Variants in MRC2 observed in about 807,000 individuals in gnomAD.
MRC2 encodes the protein mannose receptor C-type 2.
Under a neutral mutation model 206.2 loss-of-function variants are expected in MRC2, and 84 were observed. The observed-to-expected ratio is 0.41, with a 90% CI of 0.34 to 0.49. The LOEUF is 0.49. Among genes scored for constraint, MRC2 ranks in the 20% least tolerant of loss-of-function variants. The pLI, the probability that MRC2 is intolerant of heterozygous loss-of-function variation, is 0.31. For synonymous variants in MRC2, 798 were observed against 800.0 expected, an observed-to-expected ratio of 1.00 and a Z score of 0.04; for missense variants, 1,676 against 2,001.5, an observed-to-expected ratio of 0.84 and a Z score of 3.10.
chr17:62,689,019 T>C (rs2089067744), intron 23 of MRC2, 59 bp downstream of exon 23: 2 of 1,358,624 alleles, frequency 1.5e-6, no homozygotes, highest in Admixed American at 1.8e-5. Context: ...GGCTGGATGC[T>C]GGGACCATGC....
Position 62,679,091 on chromosome 17 carries a change from C to T in MRC2, c.2195+445C>T, listed in dbSNP as rs2088929143. On this transcript the variant is annotated intron_variant, in intron 13 of 29. Coordinates refer to ENST00000303375, the MANE Select transcript of MRC2 (RefSeq NM_006039.5). ...AAAGGCCGCAGCTATGAGGATTTGC[C>T]CATGGGCCTCCCTCTGAGACACCAC... 2.0e-5 allele frequency among the ~76,000 whole-genome samples: 3 copies of T among 152,272 alleles called. No individual in the cohort carries two copies. The South Asian group carries it at 6.2e-4, about 32-fold the overall frequency.
intron 1 of MRC2, among the ~76,000 whole-genome samples, chr17:62,630,788 C>T (rs767149258): frequency 3.3e-5 from 5 of 152,144 alleles, no homozygotes; most frequent in South Asian, 2.1e-4. Flanking sequence ...AGGGTGGCAT[C>T]GGGTACTTGG....
In MRC2 at chr17:62,680,035, A is replaced by C. The variant is rs967251508; in HGVS notation, c.2298+133A>C. ...CAGTCGGAGCCGGCTTCAGGAAAGC[A>C]GGTCCGAGAGGGGTCACCCGGCCCC... On this transcript the variant is annotated intron_variant, in intron 14 of 29. Coordinates refer to ENST00000303375, the MANE Select transcript of MRC2 (RefSeq NM_006039.5). The surrounding 1 kb of genome is among the most constrained non-coding windows in gnomAD (Gnocchi z 4.8). 6.9e-5 allele frequency: 103 copies of C among 1,501,230 alleles called. 1 individual carries two copies. The highest frequency in any genetic ancestry group is 8.8e-5 in the Non-Finnish European group (97 of 1,105,572). 93.0% of individuals were successfully genotyped at this position (1,501,230 alleles called of 1,614,324 possible).
At chr17:62,653,032 C>G (rs539706643) in intron 1 of MRC2, among the ~76,000 whole-genome samples, 1 of 152,176 alleles carries the variant, frequency 6.6e-6, no homozygotes, top group Admixed American at 6.5e-5. Flanking sequence ...TGTGCCCGCC[C>G]CCGGGATGCT....
intron 6 of MRC2, among the ~76,000 whole-genome samples, chr17:62,668,637 G>A (rs2088788005): frequency 6.6e-6 from 1 of 152,214 alleles, no homozygotes; most frequent in African/African-American, 2.4e-5. Flanking sequence ...AAAGGGCATG[G>A]TGAAGAAGAG....
chr17:62,633,678 A>G (rs972684199), intron 1 of MRC2, among the ~76,000 whole-genome samples: 10 of 139,864 alleles, frequency 7.1e-5, no homozygotes, highest in South Asian at 2.3e-4. Flanking sequence ...GTCACTACAG[A>G]AAAAAAAAAA....
rs776907085 is a variant in MRC2 at position 62,671,851 on chromosome 17, C to T, written c.1306+14C>T. On this transcript the variant is annotated intron_variant, in intron 7 of 29. Transcript: ENST00000303375. The surrounding 1 kb of genome is among the most constrained non-coding windows in gnomAD (Gnocchi z 4.5). Reference sequence around the variant, plus strand: ...AGATCAAGCAAGGTGAGGAGCTGCCCGCCCACGTGTCTGGGTGGAGGGCAG... The same window carrying T: ...AGATCAAGCAAGGTGAGGAGCTGCCTGCCCACGTGTCTGGGTGGAGGGCAG... 97 of 1,587,076 alleles carry T rather than the reference C, an allele frequency of 6.1e-5. No homozygotes were observed. Among genetic ancestry groups the T allele is most frequent in the Admixed American group, 1.5e-4 (9 of 58,834 alleles).
intron 8 of MRC2, among the ~76,000 whole-genome samples, chr17:62,673,300 G>T (rs1009357865): frequency 6.6e-6 from 1 of 152,128 alleles, no homozygotes; most frequent in Non-Finnish European, 1.5e-5. Context: ...AGAAGCAGGG[G>T]CCGAGGACTA....
intron 6 of MRC2, among the ~76,000 whole-genome samples, chr17:62,669,847 C>T (rs2088806128): frequency 6.6e-6 from 1 of 152,250 alleles, no homozygotes; most frequent in African/African-American, 2.4e-5. Context: ...TGAGCCACGG[C>T]TCTGGCCTGA....
intron 1 of MRC2, among the ~76,000 whole-genome samples, chr17:62,654,443 G>A (rs186186075): frequency 3.6e-4 from 55 of 152,068 alleles, no homozygotes; most frequent in Middle Eastern, 3.4e-3. Flanking sequence ...TATTTGTTGA[G>A]AGTCCGCTGC....
rs2088879403 is a variant in MRC2, at chr17:62,675,450, CA to C, written c.1570-339del. ...CCTTTAGCTGTGGTTTCCCAGCCAA[CA>C]GTAATTTCCCCACTGTGTCTCTTGG... On this transcript the variant is annotated intron_variant, in intron 9 of 29. Coordinates refer to ENST00000303375, the MANE Select transcript of MRC2 (RefSeq NM_006039.5). This position sits in a 1 kb window ranked among gnomAD's most constrained non-coding sequence, Gnocchi z 4.1. Among the ~76,000 whole-genome samples, 1 of 152,208 alleles carries C rather than the reference CA, an allele frequency of 6.6e-6. No homozygotes were observed. The highest frequency in any genetic ancestry group is 2.4e-5 in the African/African-American group (1 of 41,452).
At chr17:62,637,066 T>C (rs1032714806) in intron 1 of MRC2, among the ~76,000 whole-genome samples, 2 of 152,230 alleles carry the variant, frequency 1.3e-5, no homozygotes, top group South Asian at 2.1e-4. Flanking sequence ...GTAAACTTTC[T>C]GAATTTAGAA....
intron 26 of MRC2, 39 bp from the exon 27 acceptor site, chr17:62,690,603 A>G (rs747715821): frequency 1.9e-6 from 3 of 1,548,788 alleles, no homozygotes; most frequent in Admixed American, 3.9e-5. Context: ...CCCCCCCCGG[A>G]GACCCATCCG....
chr17:62,666,466 G>C lies in MRC2; in HGVS notation c.706G>C (p.Glu236Gln), dbSNP rs758312714. Residue 236 changes from glutamate to glutamine, a missense_variant, in exon 4 of 30, where the codon GAG becomes CAG. Around this residue, in one of 3 missense-constraint regions of MRC2, gnomAD observed 318 missense variants for 346.7 expected, o/e 0.92. Coordinates refer to ENST00000303375, the MANE Select transcript of MRC2 (RefSeq NM_006039.5). The surrounding 1 kb of genome is among the most constrained non-coding windows in gnomAD (Gnocchi z 5.0). ...GFCPIKSNDCETFWDKDQLTD... is the reference protein window; with the variant it reads ...GFCPIKSNDCQTFWDKDQLTD... Reference sequence around the variant, plus strand: ...TGTCGTGGTGGCAGGTAACGACTGCGAGACCTTCTGGGACAAGGACCAGCT... The same window carrying C: ...TGTCGTGGTGGCAGGTAACGACTGCCAGACCTTCTGGGACAAGGACCAGCT... The C allele has an allele frequency of 7.4e-6, 12 of 1,613,804 alleles. No homozygotes were observed. The Admixed American group carries it at 8.3e-5, about 11-fold the overall frequency.
intron 26 of MRC2, 43 bp from the exon 27 acceptor site, chr17:62,690,599 C>G (rs758260481): frequency 5.8e-6 from 9 of 1,549,790 alleles, no homozygotes; most frequent in Middle Eastern, 1.7e-4. Context: ...TCTGCCCCCC[C>G]CGGAGACCCA....
chr17:62,664,994 A>G lies in MRC2; in HGVS notation c.520+45A>G, dbSNP rs775038926. On this transcript the variant is annotated intron_variant, in intron 2 of 29. Coordinates refer to ENST00000303375, the MANE Select transcript of MRC2 (RefSeq NM_006039.5). The surrounding 1 kb of genome is among the most constrained non-coding windows in gnomAD (Gnocchi z 4.7). The stretch of plus-strand genomic sequence containing the variant: ...CGGGAGGGTGGGGTCCCCGATGTCC[A>G]GGGGACTGGAGCCATGAGGGACAGA... The G allele has an allele frequency of 1.9e-6, 3 of 1,542,604 alleles. No homozygotes were observed. The highest frequency in any genetic ancestry group is 8.7e-7 in the Non-Finnish European group (1 of 1,149,132).
chr17:62,688,902 C>T lies in MRC2; in HGVS notation c.3276C>T (p.Arg1092=), dbSNP rs1193094256. 2.5e-6 allele frequency: 4 copies of T among 1,613,642 alleles called. No homozygotes were observed. The highest frequency in any genetic ancestry group is 2.7e-5 in the African/African-American group (2 of 74,930). Residue 1092 remains arginine (R), a synonymous_variant, in exon 23 of 30, where the codon CGC becomes CGT. Coordinates refer to ENST00000303375, the MANE Select transcript of MRC2 (RefSeq NM_006039.5). ...GCCCCTCAGCCCACTTCACTGGCCG[C>T]TGGGACGATCGGAGCTGCACGGAGG... The part of the protein sequence containing the change: ...LHSPSAHFTG[R]WDDRSCTEET...
chr17:62,664,731 C>T lies in MRC2; in HGVS notation c.302C>T (p.Thr101Ile). Residue 101 changes from threonine to isoleucine, a missense_variant, in exon 2 of 30, where the codon ACC becomes ATC. Coordinates refer to ENST00000303375, the MANE Select transcript of MRC2 (RefSeq NM_006039.5). This position sits in a 1 kb window ranked among gnomAD's most constrained non-coding sequence, Gnocchi z 4.7. ...MQCLGTGWPG[T>I]NTTASLGMYE... ...TGCCTGGGCACAGGCTGGCCAGGCA[C>T]CAACACCACGGCCTCCCTGGGCATG... is the stretch of plus-strand genomic sequence containing the variant. 1 of 1,614,008 alleles carries T rather than the reference C, an allele frequency of 6.2e-7. No individual in the cohort carries two copies. The highest frequency in any genetic ancestry group is 8.5e-7 in the Non-Finnish European group (1 of 1,180,046).
At chr17:62,640,598 C>T (rs1025006804) in intron 1 of MRC2, among the ~76,000 whole-genome samples, 2 of 152,136 alleles carry the variant, frequency 1.3e-5, no homozygotes, top group East Asian at 1.9e-4. Flanking sequence ...ACTGCAGCCT[C>T]GACCTCCTGG....
Sources: allele counts gnomAD v4.1 joint callset (sites outside exome capture counted in the v4.1 genomes callset), GRCh38; gene constraint gnomAD v4.1.1; regional missense constraint gnomAD v4.1.1; non-coding constraint Gnocchi (gnomAD v3.1); transcripts MANE v1.5; gene names NCBI Gene and HGNC (gene_info 2026-07-23, HGNC 2026-07-21).